Variants in PDE3B observed in about 807,000 individuals in gnomAD.
PDE3B encodes the protein phosphodiesterase 3B.
PDE3B carries 66 observed loss-of-function variants against 116.8 expected under a neutral mutation model. That is an observed-to-expected ratio of 0.56 (90% CI 0.46 to 0.69). The LOEUF is 0.69. Ranked by LOEUF, PDE3B falls within the 30% of genes least tolerant of loss-of-function variation. The pLI is 0.00. For missense variants in PDE3B, 1,384 were observed against 1,368.1 expected (o/e 1.01, Z -0.18); for synonymous variants, 595 against 533.6 (o/e 1.12, Z -1.59).
At chr11:14,861,447 T>A (rs1847949145) in intron 14 of PDE3B, 81 bp downstream of exon 14, 1 of 1,297,970 alleles carries the variant, frequency 7.7e-7, no homozygotes. Flanking sequence ...GATAGCTTTA[T>A]TAAGTGTTTG....
chr11:14,778,027 C>T (rs1303259751), intron 2 of PDE3B, among the ~76,000 whole-genome samples: 1 of 152,212 alleles, frequency 6.6e-6, no homozygotes, highest in East Asian at 1.9e-4. Flanking sequence ...TGTCCTGTGC[C>T]TGGCTCGGGG....
chr11:14,818,110 C>T lies in PDE3B; in HGVS notation c.1523-73C>T, dbSNP rs938063834. 26 of 1,000,798 alleles carry T rather than the reference C, an allele frequency of 2.6e-5. No homozygotes were observed. The African/African-American group carries it at 2.6e-4, about 10-fold the overall frequency. 62.0% of individuals were successfully genotyped at this position (1,000,798 alleles called of 1,614,324 possible). On this transcript the variant is annotated intron_variant, in intron 5 of 15. Transcript: ENST00000282096. ...AATAAGGAAAAAATCCATAAAAACACAAATATATTTAATAAACATACACAC... is the reference window on the plus strand; with the variant it reads ...AATAAGGAAAAAATCCATAAAAACATAAATATATTTAATAAACATACACAC...
chr11:14,742,415 C>T (rs1856799425), intron 1 of PDE3B, among the ~76,000 whole-genome samples: 1 of 152,142 alleles, frequency 6.6e-6, no homozygotes, highest in African/African-American at 2.4e-5. Flanking sequence ...AGTTCTTGTG[C>T]TGTGTTTTTC....
intron 1 of PDE3B, among the ~76,000 whole-genome samples, chr11:14,672,694 G>C (rs1341330546): frequency 6.6e-6 from 1 of 152,048 alleles, no homozygotes; most frequent in East Asian, 1.9e-4. Flanking sequence ...TAATCTGCAC[G>C]GTCAAGCTAG....
At chr11:14,895,532 C>T in the PDE3B span, among the ~76,000 whole-genome samples, 1 of 152,134 alleles carries the variant, frequency 6.6e-6, no homozygotes, top group Non-Finnish European at 1.5e-5. Context: ...AGGTAGGGTA[C>T]CCAAATGAAG....
intron 1 of PDE3B, among the ~76,000 whole-genome samples, chr11:14,750,977 C>G (rs992414202): frequency 6.6e-6 from 1 of 152,104 alleles, no homozygotes; most frequent in Non-Finnish European, 1.5e-5. Flanking sequence ...AGTGTGTTCC[C>G]TGTTCTACGT....
At chr11:14,843,772 TTGTGAGG>T in intron 11 of PDE3B, 48 bp from the exon 12 acceptor site, 1 of 1,386,746 alleles carries the variant, frequency 7.2e-7, no homozygotes, top group Non-Finnish European at 1.0e-6. Context: ...CATAGCAAAA[TTGTGAGG>T]AATTTATGTG....
intron 1 of PDE3B, among the ~76,000 whole-genome samples, chr11:14,699,751 GCTCC>G: frequency 6.6e-6 from 1 of 151,800 alleles, no homozygotes; most frequent in South Asian, 2.1e-4. Context: ...AGAACATTTG[GCTCC>G]CTCTGAAACT....
chr11:14,657,728 CATT>C (rs1448837130), intron 1 of PDE3B, among the ~76,000 whole-genome samples: 1 of 152,142 alleles, frequency 6.6e-6, no homozygotes, highest in Non-Finnish European at 1.5e-5. Context: ...CACATAATGT[CATT>C]ATTCTTAGGA....
chr11:14,727,330 A>G (rs1234020556), intron 1 of PDE3B, among the ~76,000 whole-genome samples: 5 of 152,106 alleles, frequency 3.3e-5, no homozygotes, highest in Non-Finnish European at 7.4e-5. Context: ...CTTAATATTC[A>G]AAACAACCAT....
rs1180459093 is a variant in PDE3B at position 14,752,027 on chromosome 11, A to G, written c.979-19910A>G. Among the ~76,000 whole-genome samples the G allele has an allele frequency of 2.0e-5, 3 of 152,216 alleles. No individual in the cohort carries two copies. In the East Asian group the frequency reaches 5.8e-4, roughly 29 times the overall value. ...TTCAGGAAGGTTCACCACAAGTATGACAAAAAGTGGACTGAGGGACTGTGA... is the reference window on the plus strand; with the variant it reads ...TTCAGGAAGGTTCACCACAAGTATGGCAAAAAGTGGACTGAGGGACTGTGA... On this transcript the variant is annotated intron_variant, in intron 1 of 15. Coordinates refer to ENST00000282096, the MANE Select transcript of PDE3B (RefSeq NM_000922.4).
intron 1 of PDE3B, among the ~76,000 whole-genome samples, chr11:14,743,125 T>G (rs750994352): frequency 3.3e-5 from 5 of 152,166 alleles, no homozygotes; most frequent in Non-Finnish European, 7.4e-5. Context: ...TCTTCAGACC[T>G]GGCAGACAGG....
At chr11:14,692,818 G>A (rs1855083843) in intron 1 of PDE3B, among the ~76,000 whole-genome samples, 1 of 152,096 alleles carries the variant, frequency 6.6e-6, no homozygotes, top group Non-Finnish European at 1.5e-5. Context: ...TGGCCTCTCA[G>A]TGCTCAAGAG....
At position 14,644,481 on chromosome 11, in the gene PDE3B, C is replaced by T. The variant is rs373522381; in HGVS notation, c.406C>T (p.Leu136Phe). The T allele has an allele frequency of 1.6e-5, 26 of 1,613,024 alleles. No individual in the cohort carries two copies. Among genetic ancestry groups the T allele is most frequent in the African/African-American group, 2.7e-5 (2 of 74,994 alleles). Residue 136 changes from leucine to phenylalanine, a missense_variant, in exon 1 of 16, where the codon CTC (leucine) becomes TTC (phenylalanine). By Grantham distance (22) the Leu-to-Phe change is conservative (BLOSUM62 0). Coordinates refer to ENST00000282096, the MANE Select transcript of PDE3B (RefSeq NM_000922.4). Reference protein sequence around the residue: ...ACAFFFLTCFLTRTKRGPGPG... With the variant: ...ACAFFFLTCFFTRTKRGPGPG... ...TGCCTTCTTCTTCCTCACCTGCTTC[C>T]TCACCCGGACCAAGCGGGGACCCGG...
intron 3 of PDE3B, 64 bp from the exon 4 acceptor site, chr11:14,789,042 C>A: frequency 8.8e-7 from 1 of 1,137,006 alleles, no homozygotes; most frequent in African/African-American, 1.6e-5. Flanking sequence ...TGTGCCATCA[C>A]TAATATTACA....
At chr11:14,818,138 A>G in intron 5 of PDE3B, 45 bp from the exon 6 acceptor site, 1 of 1,281,588 alleles carries the variant, frequency 7.8e-7, no homozygotes, top group South Asian at 1.2e-5. Flanking sequence ...ATACACACAT[A>G]AATACATTCT....
chr11:14,869,896 G>A lies in PDE3B; in HGVS notation c.*236G>A. The A allele has an allele frequency of 2.5e-6, 1 of 393,634 alleles. No homozygotes were observed. Among genetic ancestry groups the A allele is most frequent in the African/African-American group, 2.0e-5 (1 of 49,168 alleles). The allele number at this position is 393,634 out of a possible 1,614,324, so 24.4% of individuals were successfully genotyped here. On this transcript the variant is annotated 3_prime_UTR_variant, in exon 16 of 16. Coordinates refer to ENST00000282096, the MANE Select transcript of PDE3B (RefSeq NM_000922.4). Reference sequence around the variant, plus strand: ...AATACCATCCGTGTTGACCCATGTTGCAGAGCCCTTACTTAAATCCTTCAC... The same window carrying A: ...AATACCATCCGTGTTGACCCATGTTACAGAGCCCTTACTTAAATCCTTCAC...
chr11:14,686,187 T>A (rs963392343), intron 1 of PDE3B, among the ~76,000 whole-genome samples: 6 of 152,184 alleles, frequency 3.9e-5, no homozygotes, highest in Admixed American at 1.3e-4. Flanking sequence ...AATTTAAAAA[T>A]TTTTTTACGT....
chr11:14,776,208 C>T (rs1857779766), intron 2 of PDE3B: 1 of 152,256 alleles, frequency 6.6e-6, no homozygotes, highest in Non-Finnish European at 1.5e-5. Flanking sequence ...GCCCTGCCAA[C>T]ACTAGGCAAG....
Sources: allele counts gnomAD v4.1 joint callset (sites outside exome capture counted in the v4.1 genomes callset), GRCh38; gene constraint gnomAD v4.1.1; transcripts MANE v1.5; gene names NCBI Gene and HGNC (gene_info 2026-07-23, HGNC 2026-07-21).